VAV2: variants seen among roughly 807,000 people sequenced by gnomAD.
VAV2 encodes vav guanine nucleotide exchange factor 2.
In VAV2, 67 loss-of-function variants were observed where a neutral mutation model predicts 132.5. The observed-to-expected ratio is 0.51, with a 90% CI of 0.42 to 0.62. The LOEUF is 0.62. VAV2 is among the 20% of genes least tolerant of loss of function. The pLI is 0.00. For synonymous variants in VAV2, 492 were observed against 443.5 expected, an observed-to-expected ratio of 1.11 and a Z score of -1.37; for missense variants, 938 against 1,153.6, an observed-to-expected ratio of 0.81 and a Z score of 2.71.
Position 133,763,805 on chromosome 9 carries a change from CCCT to C in VAV2, c.*254_*256del. The C allele has an allele frequency of 2.0e-6, 1 of 511,766 alleles. No homozygotes were observed. Among genetic ancestry groups the C allele is most frequent in the Non-Finnish European group, 3.5e-6 (1 of 282,038 alleles). 31.7% of individuals were successfully genotyped at this position (511,766 alleles called of 1,614,324 possible). ...CCTGGCTCGCAGCGCTGTCGGTGCCCCCTCCTCTGCGCTCTGGGTGGGGCTAGC... is the reference window on the plus strand; with the variant it reads ...CCTGGCTCGCAGCGCTGTCGGTGCCCCCTCTGCGCTCTGGGTGGGGCTAGC... On this transcript the variant is annotated 3_prime_UTR_variant, in exon 30 of 30. Transcript: ENST00000371850. This position sits in a 1 kb window ranked among gnomAD's most constrained non-coding sequence, Gnocchi z 6.8.
intron 4 of VAV2, among the ~76,000 whole-genome samples, chr9:133,820,489 A>C (rs78122139): frequency 2.0e-5 from 3 of 151,804 alleles, no homozygotes; most frequent in African/African-American, 7.3e-5. Flanking sequence ...ACGCCCGGCT[A>C]ATTTTTTTTG....
At chr9:133,815,086 G>C (rs1275153938) in intron 4 of VAV2, among the ~76,000 whole-genome samples, 4 of 152,116 alleles carry the variant, frequency 2.6e-5, no homozygotes, top group African/African-American at 7.2e-5. Flanking sequence ...GAGAGAATAG[G>C]GAAGGCTGGG....
At chr9:133,774,865 G>A (rs1833758571) in intron 25 of VAV2, 70 bp downstream of exon 25, 1 of 1,378,952 alleles carries the variant, frequency 7.3e-7, no homozygotes, top group Non-Finnish European at 1.0e-6. Flanking sequence ...AGGACGTGGA[G>A]AGGATGGTGC....
chr9:133,791,313 A>T (rs7039067), intron 13 of VAV2, among the ~76,000 whole-genome samples: 2 of 151,796 alleles, frequency 1.3e-5, no homozygotes, highest in Admixed American at 6.5e-5. Context: ...TCCGAGGAGC[A>T]GAGGCGACTG....
At chr9:133,856,934 C>A (rs890123706) in intron 3 of VAV2, among the ~76,000 whole-genome samples, 2 of 152,188 alleles carry the variant, frequency 1.3e-5, no homozygotes, top group East Asian at 3.9e-4. Flanking sequence ...ACCTAGCAGC[C>A]GCGGGCCTTC....
At chr9:133,774,884 T>C (rs1265787661) in intron 25 of VAV2, 51 bp downstream of exon 25, 3 of 1,534,970 alleles carry the variant, frequency 2.0e-6, no homozygotes, top group Non-Finnish European at 2.7e-6. Context: ...GCTCTCCACT[T>C]CAGAACGGCA....
Position 133,879,131 on chromosome 9 carries a change from G to C in VAV2, c.322-17699C>G, listed in dbSNP as rs574909087. Among the ~76,000 whole-genome samples, 6 of 152,278 alleles carry C rather than the reference G, an allele frequency of 3.9e-5. No homozygotes were observed. The highest frequency in any genetic ancestry group is 1.4e-4 in the African/African-American group (6 of 41,556). Reference sequence around the variant, plus strand: ...GCTTGTGCTGCTGAACCTGGCTCTGGACCCCGTCTCAGCTGCAGACTCGCA... The same window carrying C: ...GCTTGTGCTGCTGAACCTGGCTCTGCACCCCGTCTCAGCTGCAGACTCGCA... On this transcript the variant is annotated intron_variant, in intron 2 of 29. Coordinates refer to ENST00000371850, the MANE Select transcript of VAV2 (RefSeq NM_001134398.2). This position sits in a 1 kb window ranked among gnomAD's most constrained non-coding sequence, Gnocchi z 4.4.
At position 133,857,060 on chromosome 9, in the gene VAV2, G is replaced by A. The variant is rs1311032261; in HGVS notation, c.380+4314C>T. Among the ~76,000 whole-genome samples, 1 of 152,114 alleles carries A rather than the reference G, an allele frequency of 6.6e-6. No individual in the cohort carries two copies. The highest frequency in any genetic ancestry group is 2.4e-5 in the African/African-American group (1 of 41,408). ...GGTTCCAAGAGCATCCCTGCCCAAG[G>A]TCATTTGGCTGACAGAAGCTTCCTT... is the stretch of plus-strand genomic sequence containing the variant. On this transcript the variant is annotated intron_variant, in intron 3 of 29. Coordinates refer to ENST00000371850, the MANE Select transcript of VAV2 (RefSeq NM_001134398.2). The surrounding 1 kb of genome is among the most constrained non-coding windows in gnomAD (Gnocchi z 4.0).
intron 2 of VAV2, among the ~76,000 whole-genome samples, chr9:133,867,732 C>T (rs553445303): frequency 2.0e-5 from 3 of 152,386 alleles, no homozygotes; most frequent in African/African-American, 7.2e-5. Context: ...GGACATGCAC[C>T]TTCTCCCAGG....
intron 1 of VAV2, among the ~76,000 whole-genome samples, chr9:133,984,832 G>A (rs986958875): frequency 1.1e-4 from 16 of 151,686 alleles, no homozygotes; most frequent in African/African-American, 3.6e-4. Context: ...TACTTGAACC[G>A]GGCAGGCAAA....
intron 3 of VAV2, among the ~76,000 whole-genome samples, chr9:133,854,147 GCA>G (rs995612630): frequency 6.0e-5 from 6 of 99,230 alleles, no homozygotes; most frequent in African/African-American, 2.3e-4. Context: ...CCTTGCACCT[GCA>G]CACACACATC....
In VAV2 at chr9:133,763,523, G is replaced by C. The variant is rs1162884273; in HGVS notation, c.*539C>G. ...TCTCCTCCCGCGCCCTAGCACAGTG[G>C]GGCAAGTGGGCCCACAGTGAACAGC... On this transcript the variant is annotated 3_prime_UTR_variant, in exon 30 of 30. Transcript: ENST00000371850. This position sits in a 1 kb window ranked among gnomAD's most constrained non-coding sequence, Gnocchi z 6.8. The C allele has an allele frequency of 6.3e-6, 1 of 158,162 alleles. No homozygotes were observed. The highest frequency in any genetic ancestry group is 1.4e-5 in the Non-Finnish European group (1 of 71,540). The allele number at this position is 158,162 out of a possible 1,614,324, so 9.8% of individuals were successfully genotyped here. A position where few individuals can be genotyped will look rare whatever the true frequency, so the allele number is the denominator to read the frequency against.
At chr9:133,805,651 C>T (rs796813343) in intron 9 of VAV2, among the ~76,000 whole-genome samples, 7 of 152,314 alleles carry the variant, frequency 4.6e-5, no homozygotes, top group African/African-American at 1.4e-4. Flanking sequence ...CCAGAAACGC[C>T]ACCTCCCCAG....
At chr9:133,841,216 C>T (rs373585585) in intron 3 of VAV2, among the ~76,000 whole-genome samples, 11 of 152,098 alleles carry the variant, frequency 7.2e-5, no homozygotes, top group Admixed American at 2.0e-4. Context: ...AGCACGACCG[C>T]TTGTTGGTGC....
chr9:133,779,936 C>T lies in VAV2; in HGVS notation c.1744G>A (p.Ala582Thr), dbSNP rs776157987. ...CKFTSPADLD[A>T]SGAGPGPKMV... The stretch of plus-strand genomic sequence containing the variant: ...GACTCACCTGGTCCCGCTCCGGAGG[C>T]GTCCTGTGAGGACAAGGACAGAACA... The change falls in exon 21 of 30, where the codon GCC becomes ACC. Residue 582 changes from alanine to threonine, a missense_variant. Physicochemically the swap from Ala to Thr is moderately conservative, Grantham distance 58. Coordinates refer to ENST00000371850, the MANE Select transcript of VAV2 (RefSeq NM_001134398.2). 9.3e-6 allele frequency: 15 copies of T among 1,612,492 alleles called. No individual in the cohort carries two copies. Among genetic ancestry groups the T allele is most frequent in the Admixed American group, 3.3e-5 (2 of 59,960 alleles).
chr9:133,964,907 G>C (rs1842096075), intron 1 of VAV2, among the ~76,000 whole-genome samples: 1 of 152,046 alleles, frequency 6.6e-6, no homozygotes, highest in South Asian at 2.1e-4. Context: ...TCTAAGAACT[G>C]GAACAAAATA....
At position 133,834,420 on chromosome 9, in the gene VAV2, G is replaced by A; in HGVS notation, c.381-80C>T. ...GGGACCCCAGCTGGACCCCACAGCA[G>A]AGCCCAGTGTGGCCCAGCCAGGAGC... is the stretch of plus-strand genomic sequence containing the variant. On this transcript the variant is annotated intron_variant, in intron 3 of 29. Coordinates refer to ENST00000371850, the MANE Select transcript of VAV2 (RefSeq NM_001134398.2). This position sits in a 1 kb window ranked among gnomAD's most constrained non-coding sequence, Gnocchi z 5.9. 1 of 1,481,310 alleles carries A rather than the reference G, an allele frequency of 6.8e-7. No individual in the cohort carries two copies. Among genetic ancestry groups the A allele is most frequent in the African/African-American group, 1.4e-5 (1 of 72,302 alleles). 91.8% of individuals were successfully genotyped at this position (1,481,310 alleles called of 1,614,324 possible). A position where few individuals can be genotyped will look rare whatever the true frequency, so the allele number is the denominator to read the frequency against.
intron 7 of VAV2, 131 bp from the exon 8 acceptor site, chr9:133,807,457 C>T (rs1203332663): frequency 2.2e-6 from 2 of 895,784 alleles, no homozygotes; most frequent in Non-Finnish European, 3.3e-6. Flanking sequence ...CTGGGGTAGC[C>T]TGTGTTCTGG....
intron 3 of VAV2, among the ~76,000 whole-genome samples, chr9:133,853,321 G>C (rs1185804836): frequency 2.0e-5 from 3 of 152,116 alleles, no homozygotes; most frequent in Non-Finnish European, 1.5e-5. Context: ...GAGGGTCCTC[G>C]GCCAAGAGAG....
Sources: allele counts gnomAD v4.1 joint callset (sites outside exome capture counted in the v4.1 genomes callset), GRCh38; gene constraint gnomAD v4.1.1; non-coding constraint Gnocchi (gnomAD v3.1); transcripts MANE v1.5; gene names NCBI Gene and HGNC (gene_info 2026-07-23, HGNC 2026-07-21).